The following DOCK3 variants were observed in gnomAD, a reference collection of about 807,000 sequenced individuals.
DOCK3 encodes dedicator of cytokinesis 3.
Under a neutral mutation model 265.6 loss-of-function variants are expected in DOCK3, and 60 were observed. That is an observed-to-expected ratio of 0.23 (90% confidence interval 0.18 to 0.28). The LOEUF (loss-of-function observed/expected upper bound fraction) is 0.28, where lower values mean the gene tolerates loss of function less well. DOCK3 is among the 10% of genes least tolerant of loss of function. The probability of loss-of-function intolerance (pLI) is 1.00; values close to 1 mark genes in which losing one functional copy is unlikely to be tolerated. For missense variants in DOCK3, 1,981 were observed against 2,594.3 expected (o/e 0.76, Z 5.14); for synonymous variants, 881 against 938.0 (o/e 0.94, Z 1.11).
intron 5 of DOCK3, among the ~76,000 whole-genome samples, chr3:50,974,164 T>C (rs1169189674): frequency 4.6e-5 from 7 of 152,050 alleles, no homozygotes; most frequent in Non-Finnish European, 1.0e-4. Context: ...TTTGTCAATT[T>C]TGTCTTTTGT....
In DOCK3 at chr3:51,028,145, C is replaced by T. The variant is rs75910926; in HGVS notation, c.316-36303C>T. On this transcript the variant is annotated intron_variant, in intron 5 of 52. Transcript: ENST00000266037. Reference sequence around the variant, plus strand: ...GACTGGTGGTGATGAATTTTCTTAACGTTTGCTTTTCTAGGAAGGATTGTA... The same window carrying T: ...GACTGGTGGTGATGAATTTTCTTAATGTTTGCTTTTCTAGGAAGGATTGTA... Among the ~76,000 whole-genome samples the T allele has an allele frequency of 3.0e-3, 460 of 152,146 alleles. 3 individuals are homozygous for T. Among genetic ancestry groups the T allele is most frequent in the African/African-American group, 0.011 (438 of 41,500 alleles).
chr3:51,236,805 C>G (rs2078368043), intron 20 of DOCK3, among the ~76,000 whole-genome samples: 1 of 152,120 alleles, frequency 6.6e-6, no homozygotes, highest in Admixed American at 6.5e-5. Context: ...CAGAGACTTA[C>G]CCATGCTGGT....
rs757246535 is a variant in DOCK3 at position 51,358,076 on chromosome 3, A to T, written c.4883A>T (p.His1628Leu). The T allele has an allele frequency of 7.4e-6, 12 of 1,613,422 alleles. No individual in the cohort carries two copies. The highest frequency in any genetic ancestry group is 1.7e-5 in the Admixed American group (1 of 59,996). Reference protein sequence around the residue: ...QFQMMRASLYHEFPGLDKLSP... With the variant: ...QFQMMRASLYLEFPGLDKLSP... ...CAGATGATGCGGGCCAGTCTCTACC[A>T]TGTAAGTTGATCCCTGTCCTGCCCC... The change falls in exon 46 of 53, where the codon CAT (histidine) becomes CTT (leucine). Residue 1628 changes from histidine (H) to leucine (L), a missense_variant and splice_region_variant. Physicochemically the swap from His to Leu is moderately conservative, Grantham distance 99. Around this residue, in one of 4 missense-constraint regions of DOCK3, gnomAD observed 1,357 missense variants for 1,866.8 expected, o/e 0.73. Transcript: ENST00000266037.
intron 27 of DOCK3, among the ~76,000 whole-genome samples, chr3:51,288,422 CA>C (rs551985481): frequency 1.4e-5 from 2 of 147,068 alleles, no homozygotes; most frequent in African/African-American, 5.0e-5. Context: ...ATTAAGAGAA[CA>C]ACAGACATCA....
chr3:51,235,468 T>C (rs1288479838), intron 19 of DOCK3, among the ~76,000 whole-genome samples: 1 of 152,190 alleles, frequency 6.6e-6, no homozygotes, highest in African/African-American at 2.4e-5. Flanking sequence ...TTTTGAAATA[T>C]TTTTTACTTC....
At chr3:51,014,827 G>A (rs1393158646) in intron 5 of DOCK3, among the ~76,000 whole-genome samples, 1 of 151,928 alleles carries the variant, frequency 6.6e-6, no homozygotes, top group Non-Finnish European at 1.5e-5. Flanking sequence ...TTTCACCATT[G>A]TTTTGTAGTT....
At chr3:50,918,212 A>G (rs867421921) in intron 4 of DOCK3, among the ~76,000 whole-genome samples, 4 of 152,184 alleles carry the variant, frequency 2.6e-5, no homozygotes, top group East Asian at 1.9e-4. Flanking sequence ...TAGTGCCACA[A>G]TAAACATACG....
chr3:50,941,511 T>A (rs899812853), intron 5 of DOCK3, among the ~76,000 whole-genome samples: 3 of 152,144 alleles, frequency 2.0e-5, no homozygotes, highest in African/African-American at 7.2e-5. Flanking sequence ...GGACTTTTCT[T>A]ATAAAGTTAA....
At chr3:50,705,425 T>G (rs1466080936) in intron 1 of DOCK3, among the ~76,000 whole-genome samples, 1 of 152,066 alleles carries the variant, frequency 6.6e-6, no homozygotes, top group African/African-American at 2.4e-5. Context: ...ATTTTTATTT[T>G]TATTTTTTGA....
At chr3:50,747,377 C>G (rs1373016111) in intron 1 of DOCK3, among the ~76,000 whole-genome samples, 8 of 152,094 alleles carry the variant, frequency 5.3e-5, no homozygotes, top group Admixed American at 5.2e-4. Context: ...TGATTAAAAT[C>G]TATTGATTAA....
chr3:51,336,231 T>C (rs1205442518), intron 35 of DOCK3, among the ~76,000 whole-genome samples: 2 of 152,186 alleles, frequency 1.3e-5, no homozygotes, highest in African/African-American at 4.8e-5. Context: ...TATATCAATG[T>C]CTTTAACTTT....
At chr3:50,842,403 G>C (rs1017928875) in intron 3 of DOCK3, among the ~76,000 whole-genome samples, 23 of 152,012 alleles carry the variant, frequency 1.5e-4, no homozygotes, top group African/African-American at 5.1e-4. Flanking sequence ...CATTCAAAAA[G>C]AAAATTGTTT....
At position 51,033,309 on chromosome 3, in the gene DOCK3, C is replaced by G. The variant is rs564110874; in HGVS notation, c.316-31139C>G. On this transcript the variant is annotated intron_variant, in intron 5 of 52. Transcript: ENST00000266037. ...ATCTCATAATAAGCAGATGTTACTT[C>G]TTCAGCCCTTCAGAAAGTAAACAAG... Among the ~76,000 whole-genome samples, 4 of 152,318 alleles carry G rather than the reference C, an allele frequency of 2.6e-5. No homozygotes were observed. In the East Asian group the frequency reaches 7.7e-4, roughly 29 times the overall value.
At chr3:50,710,924 C>T (rs868074723) in intron 1 of DOCK3, among the ~76,000 whole-genome samples, 23 of 152,126 alleles carry the variant, frequency 1.5e-4, no homozygotes, top group African/African-American at 4.6e-4. Flanking sequence ...AAATATCATA[C>T]GTTCTCACTT....
chr3:51,251,691 A>G (rs201776505), intron 22 of DOCK3, among the ~76,000 whole-genome samples: 5 of 152,254 alleles, frequency 3.3e-5, no homozygotes, highest in Non-Finnish European at 7.4e-5. Flanking sequence ...GTCTGTTCAT[A>G]TCCTTCGCCC....
intron 5 of DOCK3, among the ~76,000 whole-genome samples, chr3:51,054,121 TAAAAAAAAAAAA>T (rs35733959): frequency 1.1e-4 from 9 of 85,012 alleles, no homozygotes; most frequent in Admixed American, 7.9e-4. Flanking sequence ...CGTAGCTTCC[TAAAAAAAAAAAA>T]AAAAAAAAAA....
In DOCK3 at chr3:51,381,058, C is replaced by T. The variant is rs781936134; in HGVS notation, c.5592C>T (p.Leu1864=). The stretch of plus-strand genomic sequence containing the variant: ...CACCCTTTCCTTCGCAGTCTCCTCT[C>T]CACCCTATCCCAGCCTCCCCCACAA... ...LPARTLRKSP[L]HPIPASPTSP... is the part of the protein sequence containing the mutation. Residue 1864 remains leucine, a synonymous_variant, in exon 53 of 53, where the codon CTC becomes CTT. Coordinates refer to ENST00000266037, the MANE Select transcript of DOCK3 (RefSeq NM_004947.5). This position sits in a 1 kb window ranked among gnomAD's most constrained non-coding sequence, Gnocchi z 5.6. 1 of 1,597,966 alleles carries T rather than the reference C, an allele frequency of 6.3e-7. No individual in the cohort carries two copies. Among genetic ancestry groups the T allele is most frequent in the Non-Finnish European group, 8.5e-7 (1 of 1,169,968 alleles).
chr3:51,231,718 C>T (rs1301949207), intron 19 of DOCK3, among the ~76,000 whole-genome samples: 3 of 152,130 alleles, frequency 2.0e-5, no homozygotes, highest in Non-Finnish European at 4.4e-5. Context: ...TGTCTGTTTA[C>T]TCTGTTGATA....
At chr3:50,999,079 A>G (rs1049196907) in intron 5 of DOCK3, among the ~76,000 whole-genome samples, 1 of 152,230 alleles carries the variant, frequency 6.6e-6, no homozygotes, top group African/African-American at 2.4e-5. Flanking sequence ...GTGGAGTAGC[A>G]TTTATTGCTA....
Sources: gnomAD v4.1 joint callset for allele counts (sites outside exome capture counted in the v4.1 genomes callset) on GRCh38, gnomAD v4.1.1 for gene constraint, gnomAD v4.1.1 regional missense constraint, Gnocchi (gnomAD v3.1) non-coding constraint, MANE v1.5 for transcripts, NCBI Gene and HGNC (gene_info 2026-07-23, HGNC 2026-07-21) for gene names.